ECE2: variants seen among roughly 807,000 people sequenced by gnomAD.
ECE2 encodes endothelin converting enzyme 2.
In ECE2, 81 loss-of-function variants were observed where a neutral mutation model predicts 100.6. That is an observed-to-expected ratio of 0.81 (90% confidence interval 0.67 to 0.97). ECE2 has a LOEUF of 0.97. ECE2 is among the 50% of genes least tolerant of loss of function. The pLI, the probability that ECE2 is intolerant of heterozygous loss-of-function variation, is 0.00. For synonymous variants in ECE2, 391 were observed against 391.5 expected (o/e 1.00, Z 0.02); for missense variants, 911 against 988.1 (o/e 0.92, Z 1.05).
In ECE2 at chr3:184,291,179, G is replaced by A. The variant is rs756042862; in HGVS notation, c.1974G>A (p.Gln658=). ...QVNGERLNGR[Q]TLGENIADNG... The stretch of plus-strand genomic sequence containing the variant: ...ATGGGGAGAGGCTCAACGGCCGCCA[G>A]ACGCTGGGGGAGAACATTGCTGACA... The change falls in exon 17 of 19, where the codon CAG becomes CAA. Residue 658 remains glutamine, a synonymous_variant. Transcript: ENST00000404464. The surrounding 1 kb of genome is among the most constrained non-coding windows in gnomAD (Gnocchi z 4.1). 1 of 1,613,898 alleles carries A rather than the reference G, an allele frequency of 6.2e-7. No homozygotes were observed. Among genetic ancestry groups the A allele is most frequent in the Non-Finnish European group, 8.5e-7 (1 of 1,179,940 alleles).
Position 184,291,231 on chromosome 3 carries a change from G to A in ECE2, c.2025+1G>A, listed in dbSNP as rs1397103117. 1.2e-6 allele frequency: 2 copies of A among 1,610,540 alleles called. No homozygotes were observed. The highest frequency in any genetic ancestry group is 2.2e-5 in the South Asian group (2 of 90,592). On this transcript the variant is annotated splice_donor_variant, in intron 17 of 18. Transcript: ENST00000404464. LOFTEE classifies it high-confidence loss of function. This position sits in a 1 kb window ranked among gnomAD's most constrained non-coding sequence, Gnocchi z 4.1. The stretch of plus-strand genomic sequence containing the variant: ...CGGGGGGCTGAAGGCTGCCTACAAT[G>A]TGAGTGGCCTGACCAGCCCTCCAGC...
rs201045765 is a variant in ECE2, at chr3:184,290,760, C to A, written c.1767-33C>A. ...GAGGTGGGATTCAGAAGTACCCCCG[C>A]CATGTCCTCACTTGCTATTCCTCAC... is the stretch of plus-strand genomic sequence containing the variant. On this transcript the variant is annotated intron_variant, in intron 15 of 18. Coordinates refer to ENST00000404464, the MANE Select transcript of ECE2 (RefSeq NM_001100121.2). 1.2e-5 allele frequency: 19 copies of A among 1,613,820 alleles called. No individual in the cohort carries two copies. The Admixed American group carries it at 2.2e-4, about 18-fold the overall frequency.
At chr3:184,285,425 G>T in intron 9 of ECE2, 53 bp from the exon 10 acceptor site, 1 of 1,345,074 alleles carries the variant, frequency 7.4e-7, no homozygotes, top group South Asian at 1.2e-5. Flanking sequence ...TGGTTTGAGG[G>T]GTGTGAAGGG....
rs1395501509 is a variant in ECE2 at position 184,277,332 on chromosome 3, G to GC, written c.348dup (p.Cys117LeufsTer2). On this transcript the variant is annotated frameshift_variant, in exon 4 of 19. Coordinates refer to ENST00000404464, the MANE Select transcript of ECE2 (RefSeq NM_001100121.2). LOFTEE classifies it high-confidence loss of function. Reference sequence around the variant, plus strand: ...CTGGAGTCCCTGGACCGAGGGGTGAGCCCCTGTGAGGACTTTTACCAGTTC... The same window carrying GC: ...CTGGAGTCCCTGGACCGAGGGGTGAGCCCCCTGTGAGGACTTTTACCAGTTC... The GC allele has an allele frequency of 6.2e-7, 1 of 1,614,126 alleles. No homozygotes were observed. Among genetic ancestry groups the GC allele is most frequent in the African/African-American group, 1.3e-5 (1 of 74,942 alleles).
intron 7 of ECE2, among the ~76,000 whole-genome samples, chr3:184,281,264 T>G (rs1720805236): frequency 6.6e-6 from 1 of 152,226 alleles, no homozygotes; most frequent in South Asian, 2.1e-4. Flanking sequence ...AACAGTTCGC[T>G]ACACAGTTGT....
rs190535133 is a variant in ECE2 at position 184,291,180 on chromosome 3, A to G, written c.1975A>G (p.Thr659Ala). ...TGGGGAGAGGCTCAACGGCCGCCAGACGCTGGGGGAGAACATTGCTGACAA... is the reference window on the plus strand; with the variant it reads ...TGGGGAGAGGCTCAACGGCCGCCAGGCGCTGGGGGAGAACATTGCTGACAA... The part of the protein sequence containing the change: ...VNGERLNGRQ[T>A]LGENIADNGG... Residue 659 changes from threonine to alanine, a missense_variant, in exon 17 of 19, where the codon ACG (threonine) becomes GCG (alanine). Transcript: ENST00000404464. This position sits in a 1 kb window ranked among gnomAD's most constrained non-coding sequence, Gnocchi z 4.1. 2 of 1,613,860 alleles carry G rather than the reference A, an allele frequency of 1.2e-6. No homozygotes were observed. The highest frequency in any genetic ancestry group is 2.7e-5 in the African/African-American group (2 of 75,060).
At chr3:184,280,700 C>T (rs367708808) in intron 7 of ECE2, among the ~76,000 whole-genome samples, 16 of 151,918 alleles carry the variant, frequency 1.1e-4, no homozygotes, top group Non-Finnish European at 2.1e-4. Context: ...AAAATTGGGC[C>T]GGGTGTGGTG....
chr3:184,286,350 C>T (rs997501476), intron 10 of ECE2, among the ~76,000 whole-genome samples: 6 of 152,056 alleles, frequency 3.9e-5, no homozygotes, highest in Admixed American at 1.3e-4. Context: ...TTGGGAAGTC[C>T]GGCCTTGATT....
In ECE2 at chr3:184,291,247, G is replaced by A. The variant is rs752458415; in HGVS notation, c.2025+17G>A. 1 of 1,605,832 alleles carries A rather than the reference G, an allele frequency of 6.2e-7. No homozygotes were observed. The highest frequency in any genetic ancestry group is 1.1e-5 in the South Asian group (1 of 89,978). On this transcript the variant is annotated intron_variant, in intron 17 of 18. Coordinates refer to ENST00000404464, the MANE Select transcript of ECE2 (RefSeq NM_001100121.2). The surrounding 1 kb of genome is among the most constrained non-coding windows in gnomAD (Gnocchi z 4.1). ...GCCTACAATGTGAGTGGCCTGACCA[G>A]CCCTCCAGCGGCTGAGGCCTGCTGG...
chr3:184,292,033 T>C, intron 18 of ECE2, 29 bp from the exon 19 acceptor site: 1 of 1,594,478 alleles, frequency 6.3e-7, no homozygotes, highest in Non-Finnish European at 8.6e-7. Flanking sequence ...CTAGACACCA[T>C]ATGCCCCCAT....
Position 184,284,864 on chromosome 3 carries a change from T to A in ECE2, c.1006-99T>A, listed in dbSNP as rs1720964204. On this transcript the variant is annotated intron_variant, in intron 8 of 18. Coordinates refer to ENST00000404464, the MANE Select transcript of ECE2 (RefSeq NM_001100121.2). ...ACACCATGAAGCCAGTAGTTGTTGCTATGGCAATGGGAAGGGCTCCCAGGC... is the reference window on the plus strand; with the variant it reads ...ACACCATGAAGCCAGTAGTTGTTGCAATGGCAATGGGAAGGGCTCCCAGGC... 3.4e-6 allele frequency: 5 copies of A among 1,478,730 alleles called. No homozygotes were observed. In the Admixed American group the frequency reaches 1.1e-4, roughly 33 times the overall value. 91.6% of individuals were successfully genotyped at this position (1,478,730 alleles called of 1,614,324 possible). A position where few individuals can be genotyped will look rare whatever the true frequency, so the allele number is the denominator to read the frequency against.
chr3:184,285,368 C>A, intron 9 of ECE2, 110 bp from the exon 10 acceptor site: 1 of 956,310 alleles, frequency 1.0e-6, no homozygotes. Flanking sequence ...GGGACAGCTT[C>A]CACATATGCC....
chr3:184,291,639 G>T lies in ECE2; in HGVS notation c.2121+200G>T. ...ACAAAGGCAGCCTGAAGAGGCCTGA[G>T]CGGGAGAATGCCTTGGTAGGATTTC... On this transcript the variant is annotated intron_variant, in intron 18 of 18. Coordinates refer to ENST00000404464, the MANE Select transcript of ECE2 (RefSeq NM_001100121.2). The surrounding 1 kb of genome is among the most constrained non-coding windows in gnomAD (Gnocchi z 4.1). 1.8e-6 allele frequency: 1 copy of T among 542,844 alleles called. No homozygotes were observed. The highest frequency in any genetic ancestry group is 3.2e-6 in the Non-Finnish European group (1 of 309,636). 33.6% of individuals were successfully genotyped at this position (542,844 alleles called of 1,614,324 possible). A position where few individuals can be genotyped will look rare whatever the true frequency, so the allele number is the denominator to read the frequency against.
chr3:184,276,382 A>C, intron 1 of ECE2, 99 bp from the exon 2 acceptor site: 1 of 1,473,668 alleles, frequency 6.8e-7, no homozygotes, highest in Non-Finnish European at 9.2e-7. Flanking sequence ...CCCTCTTAGC[A>C]GGGCGGAGGG....
chr3:184,291,142 A>C lies in ECE2; in HGVS notation c.1937A>C (p.Gln646Pro). The change falls in exon 17 of 19, where the codon CAA becomes CCA. Residue 646 changes from glutamine (Q) to proline (P), a missense_variant. Gln to Pro is a moderately conservative substitution (Grantham distance 76). Transcript: ENST00000404464. The surrounding 1 kb of genome is among the most constrained non-coding windows in gnomAD (Gnocchi z 4.1). ...GCCTGCATGGAGGAACAGTACAATC[A>C]ATACCAGGTCAATGGGGAGAGGCTC... is the stretch of plus-strand genomic sequence containing the variant. Reference protein sequence around the residue: ...HTACMEEQYNQYQVNGERLNG... With the variant: ...HTACMEEQYNPYQVNGERLNG... The C allele has an allele frequency of 6.2e-7, 1 of 1,613,752 alleles. No homozygotes were observed. Among genetic ancestry groups the C allele is most frequent in the Non-Finnish European group, 8.5e-7 (1 of 1,179,886 alleles).
At chr3:184,290,728 A>C in intron 15 of ECE2, 61 bp downstream of exon 15, 1 of 1,612,458 alleles carries the variant, frequency 6.2e-7, no homozygotes, top group Non-Finnish European at 8.5e-7. Context: ...AGCTGGGAGC[A>C]GGGCTGGAGG....
At position 184,276,936 on chromosome 3, in the gene ECE2, G is replaced by T; in HGVS notation, c.171G>T (p.Thr57=). The T allele has an allele frequency of 6.2e-7, 1 of 1,614,194 alleles. No individual in the cohort carries two copies. Among genetic ancestry groups the T allele is most frequent in the South Asian group, 1.1e-5 (1 of 91,088 alleles). The part of the protein sequence containing the change: ...KGTRQLLGSR[T]QLELVLAGAS... Reference sequence around the variant, plus strand: ...CAAGACAGCTGTTAGGCTCACGCACGCAGCTGGAGCTGGTCTTAGCAGGTG... The same window carrying T: ...CAAGACAGCTGTTAGGCTCACGCACTCAGCTGGAGCTGGTCTTAGCAGGTG... Residue 57 remains threonine (T), a synonymous_variant, in exon 3 of 19, where the codon ACG becomes ACT. Transcript: ENST00000404464.
rs73887434 is a variant in ECE2, at chr3:184,286,475, C to T, written c.1263+883C>T. Among the ~76,000 whole-genome samples, 378 of 152,016 alleles carry T rather than the reference C, an allele frequency of 2.5e-3. 1 individual carries two copies. Among genetic ancestry groups the T allele is most frequent in the African/African-American group, 8.8e-3 (366 of 41,476 alleles). On this transcript the variant is annotated intron_variant, in intron 10 of 18. Transcript: ENST00000404464. ...AAGATGGAGGGGAGCAGCAGGGAAG[C>T]GGGGATGAGAATGGAGTCAGGGTGT...
intron 10 of ECE2, 71 bp downstream of exon 10, chr3:184,285,663 G>A (rs1439681700): frequency 5.2e-6 from 6 of 1,162,518 alleles, no homozygotes; most frequent in Admixed American, 3.5e-5. Context: ...AGTGTGACAG[G>A]CACCATGTGC....
Sources: allele counts gnomAD v4.1 joint callset (sites outside exome capture counted in the v4.1 genomes callset), GRCh38; gene constraint gnomAD v4.1.1; non-coding constraint Gnocchi (gnomAD v3.1); transcripts MANE v1.5; gene names NCBI Gene and HGNC (gene_info 2026-07-23, HGNC 2026-07-21).